The following SLC39A11 variants were observed in gnomAD, a reference collection of about 807,000 sequenced individuals.
The protein encoded by SLC39A11 is zinc transporter ZIP11.
In SLC39A11, 33 loss-of-function variants were observed where a neutral mutation model predicts 36.1. That is an observed-to-expected ratio of 0.91 (90% confidence interval 0.69 to 1.22). The LOEUF (loss-of-function observed/expected upper bound fraction) is 1.22, where lower values mean the gene tolerates loss of function less well. SLC39A11 is among the 50% of genes most tolerant of loss of function. The pLI, the probability that SLC39A11 is intolerant of heterozygous loss-of-function variation, is 0.00. For synonymous variants in SLC39A11, 166 were observed against 170.3 expected, an observed-to-expected ratio of 0.97 and a Z score of 0.20; for missense variants, 432 against 430.3, an observed-to-expected ratio of 1.00 and a Z score of -0.03.
chr17:72,874,580 T>C (rs947895838), intron 5 of SLC39A11, among the ~76,000 whole-genome samples: 1 of 152,244 alleles, frequency 6.6e-6, no homozygotes, highest in South Asian at 2.1e-4. Context: ...CAGCCTGGTA[T>C]AGGAGCCTGA....
chr17:72,696,642 T>A (rs1422130233), intron 7 of SLC39A11, among the ~76,000 whole-genome samples: 1 of 152,172 alleles, frequency 6.6e-6, no homozygotes, highest in Admixed American at 6.5e-5. Context: ...GATTTCCATA[T>A]AAATTTTCTT....
chr17:72,889,506 C>T (rs2081613507), intron 5 of SLC39A11, among the ~76,000 whole-genome samples: 1 of 150,532 alleles, frequency 6.6e-6, no homozygotes, highest in African/African-American at 2.5e-5. Flanking sequence ...CACTGCACTC[C>T]AGCCTGGGTG....
intron 4 of SLC39A11, among the ~76,000 whole-genome samples, chr17:73,005,605 G>A (rs2090134741): frequency 6.6e-6 from 1 of 152,124 alleles, no homozygotes; most frequent in Non-Finnish European, 1.5e-5. Context: ...GCCACCTAGG[G>A]ACCTGCTCAC....
At chr17:72,756,813 A>G (rs1434993630) in intron 6 of SLC39A11, among the ~76,000 whole-genome samples, 2 of 152,180 alleles carry the variant, frequency 1.3e-5, no homozygotes, top group African/African-American at 2.4e-5. Flanking sequence ...CACAATTAAA[A>G]TATTTGGGGA....
intron 7 of SLC39A11, among the ~76,000 whole-genome samples, chr17:72,686,283 T>A (rs1192962972): frequency 6.6e-6 from 1 of 152,232 alleles, no homozygotes; most frequent in Non-Finnish European, 1.5e-5. Flanking sequence ...CCAGATGCTG[T>A]GCTTTCCTAG....
chr17:73,069,901 T>C (rs996262223), intron 3 of SLC39A11, among the ~76,000 whole-genome samples: 2 of 152,102 alleles, frequency 1.3e-5, no homozygotes, highest in Non-Finnish European at 2.9e-5. Flanking sequence ...AACACTCAAT[T>C]AGGTTACAAA....
At chr17:72,790,958 T>C (rs562093400) in intron 6 of SLC39A11, among the ~76,000 whole-genome samples, 7 of 152,324 alleles carry the variant, frequency 4.6e-5, no homozygotes, top group African/African-American at 1.7e-4. Flanking sequence ...CTTAGCCACG[T>C]TGAAGACAAA....
intron 6 of SLC39A11, among the ~76,000 whole-genome samples, chr17:72,781,295 G>A (rs2076307979): frequency 1.3e-5 from 2 of 151,960 alleles, no homozygotes; most frequent in African/African-American, 2.4e-5. Context: ...ACCAGCTTCA[G>A]AGAACTCCTC....
chr17:72,791,756 T>G (rs372016368), intron 6 of SLC39A11, among the ~76,000 whole-genome samples: 61 of 152,174 alleles, frequency 4.0e-4, no homozygotes, highest in African/African-American at 4.8e-4. Context: ...GCAAGTGAGT[T>G]CTCACAAGAT....
chr17:72,901,823 A>T (rs955785927), intron 5 of SLC39A11, among the ~76,000 whole-genome samples: 2 of 152,110 alleles, frequency 1.3e-5, no homozygotes, highest in African/African-American at 4.8e-5. Context: ...GGCTCACCCA[A>T]CCTATGTTGG....
rs548744021 is a variant in SLC39A11 at position 72,646,502 on chromosome 17, G to A, written c.*1082C>T. 1.6e-4 allele frequency: 25 copies of A among 152,332 alleles called. No homozygotes were observed. The highest frequency in any genetic ancestry group is 5.1e-4 in the African/African-American group (21 of 41,546). The allele number at this position is 152,332 out of a possible 1,614,324, so 9.4% of individuals were successfully genotyped here. A position where few individuals can be genotyped will look rare whatever the true frequency, so the allele number is the denominator to read the frequency against. On this transcript the variant is annotated 3_prime_UTR_variant, in exon 10 of 10. Coordinates refer to ENST00000255559, the MANE Select transcript of SLC39A11 (RefSeq NM_139177.4). ...AGTTGGCTAAAATTTACTTTAAAGG[G>A]GAAATGTAAAATTACCTCTTCTTTT...
chr17:72,892,042 T>C (rs1256679880), intron 5 of SLC39A11, among the ~76,000 whole-genome samples: 1 of 152,064 alleles, frequency 6.6e-6, no homozygotes, highest in East Asian at 1.9e-4. Context: ...ACTATTTTTT[T>C]TCCCCAAGGA....
chr17:72,681,972 G>A (rs1166054442), intron 7 of SLC39A11, among the ~76,000 whole-genome samples: 2 of 152,198 alleles, frequency 1.3e-5, no homozygotes, highest in Admixed American at 6.5e-5. Flanking sequence ...CGGCAGGCAA[G>A]CGAACGAAGC....
intron 4 of SLC39A11, among the ~76,000 whole-genome samples, chr17:73,014,380 G>A (rs901633976): frequency 7.9e-5 from 12 of 152,126 alleles, no homozygotes; most frequent in Non-Finnish European, 1.5e-4. Flanking sequence ...AACTAGATAC[G>A]GGCACAGTGC....
chr17:72,753,299 C>A (rs1465988227), intron 6 of SLC39A11, among the ~76,000 whole-genome samples: 2 of 152,132 alleles, frequency 1.3e-5, no homozygotes, highest in African/African-American at 4.8e-5. Flanking sequence ...TGCACACATA[C>A]CTTACATCTT....
chr17:72,793,588 T>C (rs1357183646), intron 6 of SLC39A11, among the ~76,000 whole-genome samples: 1 of 152,132 alleles, frequency 6.6e-6, no homozygotes, highest in Admixed American at 6.5e-5. Flanking sequence ...AAATGCTTCT[T>C]TTTTTAATTT....
At chr17:73,056,843 CT>C (rs2059686081) in intron 3 of SLC39A11, among the ~76,000 whole-genome samples, 1 of 152,198 alleles carries the variant, frequency 6.6e-6, no homozygotes, top group Non-Finnish European at 1.5e-5. Flanking sequence ...AAAGAGAGAA[CT>C]TTACCAAGAA....
intron 3 of SLC39A11, chr17:73,068,399 A>ATC (rs1429169623): frequency 1.5e-5 from 7 of 454,406 alleles, no homozygotes; most frequent in Non-Finnish European, 2.7e-5. Context: ...AAAAGCAGAG[A>ATC]AGCAGGAAAC....
intron 6 of SLC39A11, among the ~76,000 whole-genome samples, chr17:72,814,585 T>C (rs2077526092): frequency 6.6e-6 from 1 of 152,206 alleles, no homozygotes. Context: ...GAGAGGGGGA[T>C]GCCCTGGAAG....
Sources: allele counts gnomAD v4.1 joint callset (sites outside exome capture counted in the v4.1 genomes callset), GRCh38; gene constraint gnomAD v4.1.1; transcripts MANE v1.5; gene names NCBI Gene and HGNC (gene_info 2026-07-23, HGNC 2026-07-21).